SYN3: variants seen among roughly 807,000 people sequenced by gnomAD.
SYN3 encodes the protein synapsin III.
SYN3 carries 35 observed loss-of-function variants against 65.8 expected under a neutral mutation model. That is an observed-to-expected ratio of 0.53 (90% CI 0.41 to 0.70). The LOEUF is 0.70. Ranked by LOEUF, SYN3 falls within the 30% of genes least tolerant of loss-of-function variation. SYN3 has a pLI of 0.00. For missense variants in SYN3, 680 were observed against 749.0 expected (o/e 0.91, Z 1.08); for synonymous variants, 270 against 292.9 (o/e 0.92, Z 0.80).
intron 6 of SYN3, among the ~76,000 whole-genome samples, chr22:32,705,569 T>C (rs566544913): frequency 2.3e-4 from 35 of 152,372 alleles, no homozygotes; most frequent in African/African-American, 7.0e-4. Context: ...AATTTTAAAA[T>C]AGTTTTTTCT....
At chr22:32,616,308 G>T (rs60378048) in intron 6 of SYN3, among the ~76,000 whole-genome samples, 1 of 152,042 alleles carries the variant, frequency 6.6e-6, no homozygotes, top group Non-Finnish European at 1.5e-5. Flanking sequence ...AAACTTCCAG[G>T]GTCTCTGACA....
At chr22:33,044,601 G>A (rs944863146) in intron 1 of SYN3, among the ~76,000 whole-genome samples, 1 of 151,730 alleles carries the variant, frequency 6.6e-6, no homozygotes, top group Admixed American at 6.6e-5. Context: ...TTCTGCTTGT[G>A]CCTCTGCCTG....
chr22:32,626,996 C>A (rs937780930), intron 6 of SYN3, among the ~76,000 whole-genome samples: 2 of 152,128 alleles, frequency 1.3e-5, no homozygotes, highest in African/African-American at 4.8e-5. Context: ...TTGGAGGAAG[C>A]CCCCAGATGA....
intron 1 of SYN3, among the ~76,000 whole-genome samples, chr22:33,018,859 C>T (rs2053515356): frequency 6.6e-6 from 1 of 152,240 alleles, no homozygotes; most frequent in African/African-American, 2.4e-5. Flanking sequence ...AAGTCTCACA[C>T]TTTGCTCCTC....
At chr22:32,539,728 C>A (rs1601594698) in intron 8 of SYN3, among the ~76,000 whole-genome samples, 1 of 150,112 alleles carries the variant, frequency 6.7e-6, no homozygotes, top group East Asian at 2.0e-4. Context: ...TAAGTAATGA[C>A]AAAGTGGAGC....
At chr22:32,762,352 C>T (rs2045507449) in intron 6 of SYN3, among the ~76,000 whole-genome samples, 1 of 152,150 alleles carries the variant, frequency 6.6e-6, no homozygotes, top group South Asian at 2.1e-4. Flanking sequence ...GACTGGCACC[C>T]TCTTGCTCCC....
intron 6 of SYN3, among the ~76,000 whole-genome samples, chr22:32,640,458 C>A (rs1371464498): frequency 6.6e-6 from 1 of 152,218 alleles, no homozygotes; most frequent in African/African-American, 2.4e-5. Context: ...GGTTTTTAAA[C>A]TGTGTTCTTC....
At chr22:32,700,048 C>G (rs76423330) in intron 6 of SYN3, among the ~76,000 whole-genome samples, 4 of 152,162 alleles carry the variant, frequency 2.6e-5, no homozygotes, top group South Asian at 2.1e-4. Flanking sequence ...TTCTCTGCTC[C>G]TAGAACAAAG....
intron 7 of SYN3, among the ~76,000 whole-genome samples, chr22:32,588,193 G>T (rs2059078159): frequency 6.6e-6 from 1 of 152,140 alleles, no homozygotes; most frequent in African/African-American, 2.4e-5. Flanking sequence ...GATTTCAAAG[G>T]CCTTTCTTTC....
chr22:32,810,649 G>A (rs1288113345), intron 6 of SYN3, among the ~76,000 whole-genome samples: 1 of 152,178 alleles, frequency 6.6e-6, no homozygotes, highest in Non-Finnish European at 1.5e-5. Flanking sequence ...GCCCATGAGG[G>A]TGTCAGGCAC....
intron 6 of SYN3, among the ~76,000 whole-genome samples, chr22:32,599,580 C>G (rs2059252490): frequency 6.6e-6 from 1 of 152,118 alleles, no homozygotes; most frequent in Non-Finnish European, 1.5e-5. Flanking sequence ...CTCAGCCTCC[C>G]AAAGTGCTGG....
chr22:32,913,322 C>A (rs1195998674), intron 4 of SYN3, among the ~76,000 whole-genome samples: 1 of 152,018 alleles, frequency 6.6e-6, no homozygotes, highest in Admixed American at 6.5e-5. Context: ...CCATACCCAG[C>A]TAATTTTTTG....
chr22:32,683,829 C>T lies in SYN3; in HGVS notation c.712-87093G>A, dbSNP rs1276557991. On this transcript the variant is annotated intron_variant, in intron 6 of 13. Coordinates refer to ENST00000358763, the MANE Select transcript of SYN3 (RefSeq NM_003490.4). Reference sequence around the variant, plus strand: ...TGTGTTGGGGGGAATACAATTTAACCCATAACAATACCCTTCTCTACTTTC... The same window carrying T: ...TGTGTTGGGGGGAATACAATTTAACTCATAACAATACCCTTCTCTACTTTC... 2.0e-5 allele frequency among the ~76,000 whole-genome samples: 3 copies of T among 152,216 alleles called. No homozygotes were observed. In the South Asian group the frequency reaches 6.2e-4, roughly 32 times the overall value.
chr22:32,744,849 C>G (rs554211082), intron 6 of SYN3, among the ~76,000 whole-genome samples: 2 of 152,102 alleles, frequency 1.3e-5, no homozygotes, highest in Non-Finnish European at 2.9e-5. Context: ...CAGACCCAGG[C>G]AGAAAAGACA....
At chr22:32,736,235 A>G (rs1337074510) in intron 6 of SYN3, among the ~76,000 whole-genome samples, 1 of 152,242 alleles carries the variant, frequency 6.6e-6, no homozygotes, top group African/African-American at 2.4e-5. Context: ...AACATCCACG[A>G]AATTCCCTGA....
chr22:32,570,238 G>C lies in SYN3; in HGVS notation c.774+26436C>G, dbSNP rs563695644. On this transcript the variant is annotated intron_variant, in intron 7 of 13. Transcript: ENST00000358763. Reference sequence around the variant, plus strand: ...GGGAGGGGTTTGTCTATATCCAAAAGACAGACAGTGGAGGAGGATGCTGAG... The same window carrying C: ...GGGAGGGGTTTGTCTATATCCAAAACACAGACAGTGGAGGAGGATGCTGAG... Among the ~76,000 whole-genome samples, 4 of 152,330 alleles carry C rather than the reference G, an allele frequency of 2.6e-5. No homozygotes were observed. The South Asian group carries it at 8.3e-4, about 32-fold the overall frequency.
At chr22:32,696,046 C>T (rs1490824341) in intron 6 of SYN3, among the ~76,000 whole-genome samples, 1 of 152,150 alleles carries the variant, frequency 6.6e-6, no homozygotes, top group African/African-American at 2.4e-5. Context: ...CTCCAAATTG[C>T]AATGGTTTAA....
In SYN3 at chr22:32,557,015, A is replaced by T. The variant is rs182584080; in HGVS notation, c.775-15302T>A. Among the ~76,000 whole-genome samples, 88 of 151,930 alleles carry T rather than the reference A, an allele frequency of 5.8e-4. 1 individual carries two copies. The highest frequency in any genetic ancestry group is 2.1e-3 in the African/African-American group (87 of 41,450). The stretch of plus-strand genomic sequence containing the variant: ...TTTAGGAAAATTAAAAGGATATCAC[A>T]CTTTTTAAGATGGTATAAACTCTGT... On this transcript the variant is annotated intron_variant, in intron 7 of 13. Transcript: ENST00000358763.
At chr22:32,792,830 G>A (rs2046351530) in intron 6 of SYN3, among the ~76,000 whole-genome samples, 1 of 152,186 alleles carries the variant, frequency 6.6e-6, no homozygotes, top group Middle Eastern at 3.2e-3. Context: ...CACCAGTGCT[G>A]CAAATGCCCC....
Sources: gnomAD v4.1 joint callset for allele counts (sites outside exome capture counted in the v4.1 genomes callset) on GRCh38, gnomAD v4.1.1 for gene constraint, MANE v1.5 for transcripts, NCBI Gene and HGNC (gene_info 2026-07-23, HGNC 2026-07-21) for gene names.